The following RCAN1 variants were observed in gnomAD, a reference collection of about 807,000 sequenced individuals.
RCAN1 encodes the protein regulator of calcineurin 1.
In RCAN1, 11 loss-of-function variants were observed where a neutral mutation model predicts 22.9. That is an observed-to-expected ratio of 0.48 (90% CI 0.30 to 0.79). RCAN1 has a LOEUF of 0.79. Ranked by LOEUF, RCAN1 falls within the 30% of genes least tolerant of loss-of-function variation. The pLI is 0.06. For synonymous variants in RCAN1, 136 were observed against 142.3 expected (o/e 0.96, Z 0.32); for missense variants, 291 against 337.8 (o/e 0.86, Z 1.09).
At chr21:34,576,744 T>C (rs1363367410) in intron 1 of RCAN1, among the ~76,000 whole-genome samples, 1 of 152,166 alleles carries the variant, frequency 6.6e-6, no homozygotes, top group Non-Finnish European at 1.5e-5. Flanking sequence ...AAGAAATCTA[T>C]GCTAATCACA....
At chr21:34,544,153 T>G (rs1986036634) in intron 1 of RCAN1, among the ~76,000 whole-genome samples, 1 of 152,210 alleles carries the variant, frequency 6.6e-6, no homozygotes, top group Non-Finnish European at 1.5e-5. Flanking sequence ...GTAGGCTGAA[T>G]TCTCAAATGG....
chr21:34,522,663 G>A (rs934083068), intron 2 of RCAN1: 1 of 151,380 alleles, frequency 6.6e-6, no homozygotes, highest in Admixed American at 6.6e-5. Context: ...TCCTCCCACT[G>A]GGGGAGGCCT....
At chr21:34,564,581 T>C (rs1986936214) in intron 1 of RCAN1, among the ~76,000 whole-genome samples, 2 of 152,018 alleles carry the variant, frequency 1.3e-5, no homozygotes, top group African/African-American at 2.4e-5. Context: ...AAGAGTGGAA[T>C]AGCAACACAG....
At chr21:34,576,835 T>C (rs760680284) in intron 1 of RCAN1, among the ~76,000 whole-genome samples, 14 of 152,246 alleles carry the variant, frequency 9.2e-5, no homozygotes, top group Non-Finnish European at 2.1e-4. Flanking sequence ...GGTTCAATTA[T>C]AGGACTTGGT....
At chr21:34,598,975 G>A (rs1209071605) in intron 1 of RCAN1, among the ~76,000 whole-genome samples, 1 of 152,168 alleles carries the variant, frequency 6.6e-6, no homozygotes, top group African/African-American at 2.4e-5. Context: ...AGAGATCCTG[G>A]CAATGATTCA....
At chr21:34,536,398 T>G (rs937329990) in intron 1 of RCAN1, among the ~76,000 whole-genome samples, 6 of 152,192 alleles carry the variant, frequency 3.9e-5, no homozygotes, top group African/African-American at 1.4e-4. Flanking sequence ...GGAAGAACAA[T>G]CACCCAGGAG....
intron 1 of RCAN1, among the ~76,000 whole-genome samples, chr21:34,568,246 C>G (rs1987103888): frequency 6.6e-6 from 1 of 152,172 alleles, no homozygotes; most frequent in Admixed American, 6.5e-5. Flanking sequence ...GCCTTGAAAT[C>G]TAGACACTTT....
At chr21:34,570,176 G>A (rs1393043120) in intron 1 of RCAN1, among the ~76,000 whole-genome samples, 1 of 152,150 alleles carries the variant, frequency 6.6e-6, no homozygotes, top group Non-Finnish European at 1.5e-5. Context: ...AAACCATCCA[G>A]TCTAGAAAAT....
intron 1 of RCAN1, among the ~76,000 whole-genome samples, chr21:34,563,790 T>TAGAGAGAGAGAG (rs1317228429): frequency 1.2e-4 from 10 of 84,380 alleles, no homozygotes; most frequent in South Asian, 4.8e-4. Context: ...TATATATATA[T>TAGAGAGAGAGAG]ATATAGAGAG....
At chr21:34,521,459 G>A in intron 3 of RCAN1, 40 bp downstream of exon 3, 2 of 1,613,450 alleles carry the variant, frequency 1.2e-6, no homozygotes, top group Non-Finnish European at 1.7e-6. Flanking sequence ...CAGCAGCTGT[G>A]TCTCCCCCTG....
intron 2 of RCAN1, chr21:34,523,211 C>CG (rs1345483537): frequency 1.6e-5 from 4 of 243,854 alleles, no homozygotes; most frequent in African/African-American, 9.0e-5. Flanking sequence ...TTCATGGAAA[C>CG]CTGCTGCGCA....
chr21:34,574,795 C>T (rs1322340809), intron 1 of RCAN1, among the ~76,000 whole-genome samples: 1 of 152,212 alleles, frequency 6.6e-6, no homozygotes, highest in Non-Finnish European at 1.5e-5. Flanking sequence ...TCCTCGGGTG[C>T]CTCCCGCGTC....
chr21:34,529,218 A>T (rs1985243687), intron 1 of RCAN1, among the ~76,000 whole-genome samples: 1 of 152,206 alleles, frequency 6.6e-6, no homozygotes, highest in South Asian at 2.1e-4. Context: ...TCACTGGTTC[A>T]CAAATTGTAC....
At chr21:34,581,976 C>T (rs919630845) in intron 1 of RCAN1, among the ~76,000 whole-genome samples, 1 of 152,286 alleles carries the variant, frequency 6.6e-6, no homozygotes, top group African/African-American at 2.4e-5. Flanking sequence ...GACGAGTCAT[C>T]TACCCTTGTG....
At chr21:34,529,905 A>T (rs1028446306) in intron 1 of RCAN1, among the ~76,000 whole-genome samples, 7 of 152,176 alleles carry the variant, frequency 4.6e-5, no homozygotes, top group Admixed American at 3.9e-4. Flanking sequence ...GTCTCACGAG[A>T]TCTGATGGGT....
chr21:34,535,970 G>A (rs1405579307), intron 1 of RCAN1, among the ~76,000 whole-genome samples: 1 of 152,044 alleles, frequency 6.6e-6, no homozygotes, highest in Non-Finnish European at 1.5e-5. Context: ...GGAAGAGTGT[G>A]TACAAATGTA....
At chr21:34,530,452 C>T (rs1049942267) in intron 1 of RCAN1, among the ~76,000 whole-genome samples, 3 of 152,060 alleles carry the variant, frequency 2.0e-5, no homozygotes, top group Non-Finnish European at 2.9e-5. Flanking sequence ...CAAGAATGTG[C>T]CCCCTGTGAA....
chr21:34,597,241 C>G (rs1284417666), intron 1 of RCAN1, among the ~76,000 whole-genome samples: 1 of 152,168 alleles, frequency 6.6e-6, no homozygotes, highest in East Asian at 1.9e-4. Flanking sequence ...GTACTAGCTA[C>G]ATTTTAAGTG....
chr21:34,567,227 G>A, intron 1 of RCAN1, among the ~76,000 whole-genome samples: 1 of 152,220 alleles, frequency 6.6e-6, no homozygotes, highest in East Asian at 1.9e-4. Flanking sequence ...TGGGCGCGGT[G>A]GCTCACGCCT....
Sources: gnomAD v4.1 joint callset for allele counts (sites outside exome capture counted in the v4.1 genomes callset) on GRCh38, gnomAD v4.1.1 for gene constraint, MANE v1.5 for transcripts, NCBI Gene and HGNC (gene_info 2026-07-23, HGNC 2026-07-21) for gene names.